Variants in TBC1D5 observed in about 807,000 individuals in gnomAD.
TBC1D5 encodes the protein TBC1 domain family member 5.
TBC1D5 carries 75 observed loss-of-function variants against 100.3 expected under a neutral mutation model. The ratio of observed to expected loss-of-function variants is 0.75; its 90% CI spans 0.62 to 0.91. TBC1D5 has a LOEUF of 0.91. Ranked by LOEUF, TBC1D5 falls within the 40% of genes least tolerant of loss-of-function variation. The pLI, the probability that TBC1D5 is intolerant of heterozygous loss-of-function variation, is 0.00. For missense variants in TBC1D5, 910 were observed against 942.4 expected (o/e 0.97, Z 0.45); for synonymous variants, 323 against 325.6 (o/e 0.99, Z 0.09).
At chr3:17,372,110 C>G in exon 13 of TBC1D5, 4 of 1,613,444 alleles carry the variant, frequency 2.5e-6, no homozygotes, top group Non-Finnish European at 3.4e-6. Context: ...CTAGTCTGTT[C>G]AAGTGCATGT....
At chr3:17,671,556 G>T (rs1380848491) in intron 1 of TBC1D5, among the ~76,000 whole-genome samples, 1 of 152,122 alleles carries the variant, frequency 6.6e-6, no homozygotes, top group Non-Finnish European at 1.5e-5. Flanking sequence ...AAGCAAAGTA[G>T]ACTTAATAAA....
chr3:17,558,414 T>C (rs2153466007), intron 2 of TBC1D5, among the ~76,000 whole-genome samples: 1 of 152,204 alleles, frequency 6.6e-6, no homozygotes, highest in African/African-American at 2.4e-5. Flanking sequence ...ACATAGTCAA[T>C]ATAAAATGGA....
At chr3:17,651,661 C>G (rs2065582691) in intron 1 of TBC1D5, among the ~76,000 whole-genome samples, 1 of 151,894 alleles carries the variant, frequency 6.6e-6, no homozygotes. Context: ...CAAGATTGCG[C>G]TACTGCACTG....
intron 13 of TBC1D5, among the ~76,000 whole-genome samples, chr3:17,348,385 C>T (rs376938648): frequency 3.3e-4 from 50 of 152,242 alleles, no homozygotes; most frequent in African/African-American, 9.4e-4. Context: ...TGGTAAAATG[C>T]GAATTGTCAG....
At chr3:17,460,775 A>T (rs1408717618) in intron 3 of TBC1D5, among the ~76,000 whole-genome samples, 2 of 152,074 alleles carry the variant, frequency 1.3e-5, no homozygotes, top group African/African-American at 4.8e-5. Context: ...AAAAAAAAAG[A>T]TACTACATAG....
chr3:17,274,594 C>T (rs752663668), intron 15 of TBC1D5, among the ~76,000 whole-genome samples: 1 of 152,094 alleles, frequency 6.6e-6, no homozygotes, highest in East Asian at 1.9e-4. Context: ...CTTGGGTTTA[C>T]GAAAATCACT....
At chr3:17,315,161 T>A (rs1315699064) in intron 13 of TBC1D5, among the ~76,000 whole-genome samples, 1 of 152,238 alleles carries the variant, frequency 6.6e-6, no homozygotes, top group Admixed American at 6.5e-5. Context: ...TCAAACTGGC[T>A]CACTCTACAT....
intron 13 of TBC1D5, among the ~76,000 whole-genome samples, chr3:17,309,301 G>C (rs2083730645): frequency 6.6e-6 from 1 of 151,906 alleles, no homozygotes; most frequent in African/African-American, 2.4e-5. Flanking sequence ...TAGGAACCAT[G>C]TGATTAAACA....
chr3:17,444,915 A>G (rs1000958685), intron 3 of TBC1D5, among the ~76,000 whole-genome samples: 12 of 152,208 alleles, frequency 7.9e-5, no homozygotes, highest in Admixed American at 6.5e-4. Flanking sequence ...ATCATCAGTA[A>G]GTAAATGTAT....
intron 14 of TBC1D5, among the ~76,000 whole-genome samples, chr3:17,297,886 C>A (rs2150302940): frequency 6.6e-6 from 1 of 152,076 alleles, no homozygotes. Context: ...AGCCACTACA[C>A]CTCGCCAAAA....
At chr3:17,664,484 A>G (rs974659448) in intron 1 of TBC1D5, among the ~76,000 whole-genome samples, 18 of 152,366 alleles carry the variant, frequency 1.2e-4, no homozygotes, top group African/African-American at 4.1e-4. Flanking sequence ...ATTCAATTGC[A>G]TGGATAAAGT....
chr3:17,266,546 G>A (rs943293683), intron 15 of TBC1D5, among the ~76,000 whole-genome samples: 1 of 151,958 alleles, frequency 6.6e-6, no homozygotes, highest in Middle Eastern at 3.2e-3. Context: ...GCCTTACCAT[G>A]AGTTAATTTC....
At chr3:17,476,866 T>C (rs1341974863) in intron 3 of TBC1D5, among the ~76,000 whole-genome samples, 1 of 152,060 alleles carries the variant, frequency 6.6e-6, no homozygotes, top group African/African-American at 2.4e-5. Context: ...TTATAAATGC[T>C]GTATCTTTAT....
intron 4 of TBC1D5, among the ~76,000 whole-genome samples, chr3:17,407,703 C>A (rs540252371): frequency 6.6e-6 from 1 of 152,232 alleles, no homozygotes; most frequent in African/African-American, 2.4e-5. Context: ...TGACCAAAGA[C>A]AATGACACAT....
At chr3:17,235,089 G>T (rs1026440173) in intron 17 of TBC1D5, among the ~76,000 whole-genome samples, 1 of 152,072 alleles carries the variant, frequency 6.6e-6, no homozygotes, top group Non-Finnish European at 1.5e-5. Context: ...TTACTCTGCT[G>T]CTTCTAGATC....
intron 13 of TBC1D5, among the ~76,000 whole-genome samples, chr3:17,339,676 A>G (rs2088547478): frequency 2.0e-5 from 3 of 152,238 alleles, no homozygotes; most frequent in African/African-American, 7.2e-5. Context: ...ATGTGTACAT[A>G]TGTACACACA....
chr3:17,336,191 G>C (rs765943642), intron 13 of TBC1D5, among the ~76,000 whole-genome samples: 2 of 152,046 alleles, frequency 1.3e-5, no homozygotes, highest in Non-Finnish European at 2.9e-5. Context: ...ATGGAAAAGA[G>C]GATGCAAGCC....
intron 19 of TBC1D5, among the ~76,000 whole-genome samples, chr3:17,174,700 TCTC>T (rs1159231865): frequency 6.6e-6 from 1 of 152,118 alleles, no homozygotes; most frequent in African/African-American, 2.4e-5. Context: ...TTCAAGCAAT[TCTC>T]CTGTCTCAGC....
intron 3 of TBC1D5, among the ~76,000 whole-genome samples, chr3:17,438,868 A>G (rs1174337537): frequency 6.6e-6 from 1 of 152,134 alleles, no homozygotes; most frequent in Non-Finnish European, 1.5e-5. Context: ...TTTCAAAAAT[A>G]ATCTAATTGA....
Sources: gnomAD v4.1 joint callset for allele counts (sites outside exome capture counted in the v4.1 genomes callset) on GRCh38, gnomAD v4.1.1 for gene constraint, MANE v1.5 for transcripts, NCBI Gene and HGNC (gene_info 2026-07-23, HGNC 2026-07-21) for gene names.